The following PCDHA8 variants were observed in gnomAD, a reference collection of about 807,000 sequenced individuals.
The protein encoded by PCDHA8 is protocadherin alpha 8.
A neutral mutation model predicts 61.8 loss-of-function variants in PCDHA8; 53 were observed. The observed-to-expected ratio is 0.86, with a 90% CI of 0.69 to 1.08. The LOEUF (loss-of-function observed/expected upper bound fraction) is 1.08, where lower values mean the gene tolerates loss of function less well. Among genes scored for constraint, PCDHA8 ranks in the 50% least tolerant of loss-of-function variants. The pLI, the probability that PCDHA8 is intolerant of heterozygous loss-of-function variation, is 0.00. For synonymous variants in PCDHA8, 618 were observed against 556.6 expected, an observed-to-expected ratio of 1.11 and a Z score of -1.55; for missense variants, 1,293 against 1,245.0, an observed-to-expected ratio of 1.04 and a Z score of -0.58.
At chr5:140,940,557 T>C (rs1554213484) in intron 1 of PCDHA8, among the ~76,000 whole-genome samples, 1 of 152,204 alleles carries the variant, frequency 6.6e-6, no homozygotes. Context: ...CAAGTGATTC[T>C]CCTACCTTGG....
chr5:140,855,718 G>T (rs1468611504), intron 1 of PCDHA8, among the ~76,000 whole-genome samples: 1 of 149,568 alleles, frequency 6.7e-6, no homozygotes, highest in Non-Finnish European at 1.5e-5. Flanking sequence ...AACATTTATT[G>T]TTATTAACTA....
intron 1 of PCDHA8, chr5:140,857,484 G>T (rs1044921765): frequency 6.3e-7 from 1 of 1,598,534 alleles, no homozygotes; most frequent in Admixed American, 1.7e-5. Context: ...GTGTCTGCGT[G>T]GGACGCGGAC....
chr5:140,937,039 CT>C (rs34994034), intron 1 of PCDHA8, among the ~76,000 whole-genome samples: 142 of 140,130 alleles, frequency 1.0e-3, no homozygotes, highest in Middle Eastern at 3.8e-3. Flanking sequence ...TTCCATTTAT[CT>C]TTTTTTTTTT....
intron 2 of PCDHA8, among the ~76,000 whole-genome samples, chr5:140,981,956 T>C (rs2096959461): frequency 6.6e-6 from 1 of 152,184 alleles, no homozygotes; most frequent in Non-Finnish European, 1.5e-5. Flanking sequence ...GGGTCATCTA[T>C]GCATAAAAGA....
chr5:140,882,775 C>G, intron 1 of PCDHA8: 10 of 1,614,220 alleles, frequency 6.2e-6, no homozygotes, highest in Non-Finnish European at 8.5e-6. Flanking sequence ...CGGCATTGAC[C>G]TACCGACTGG....
intron 3 of PCDHA8, among the ~76,000 whole-genome samples, chr5:141,002,788 A>G (rs1013908430): frequency 6.6e-6 from 1 of 152,192 alleles, no homozygotes; most frequent in Admixed American, 6.5e-5. Context: ...TCTCCATTTT[A>G]TGGATGAGGA....
intron 1 of PCDHA8, chr5:140,929,377 CTGT>C (rs782747382): frequency 6.6e-7 from 1 of 1,514,350 alleles, no homozygotes; most frequent in Non-Finnish European, 8.8e-7. Flanking sequence ...TGGCTGCTAG[CTGT>C]GTTTTGAAAT....
chr5:140,947,194 G>A (rs2094102779), intron 1 of PCDHA8, among the ~76,000 whole-genome samples: 1 of 151,018 alleles, frequency 6.6e-6, no homozygotes, highest in Admixed American at 6.6e-5. Context: ...ATACTACACA[G>A]CCTTAAAAAA....
intron 1 of PCDHA8, among the ~76,000 whole-genome samples, chr5:140,956,920 T>C (rs2095320734): frequency 1.3e-5 from 2 of 152,120 alleles, no homozygotes; most frequent in Non-Finnish European, 2.9e-5. Flanking sequence ...ACTTTAATCT[T>C]GCTGGATATA....
intron 1 of PCDHA8, among the ~76,000 whole-genome samples, chr5:140,893,927 T>C (rs1251170255): frequency 1.3e-5 from 2 of 152,212 alleles, no homozygotes; most frequent in Non-Finnish European, 2.9e-5. Flanking sequence ...TTTCAGAATC[T>C]CTACCTGTTA....
intron 1 of PCDHA8, chr5:140,869,236 G>T (rs781873875): frequency 6.2e-7 from 1 of 1,613,674 alleles, no homozygotes; most frequent in South Asian, 1.1e-5. Context: ...CGGCACCTTC[G>T]TGGGCCGCAT....
chr5:140,870,509 C>T, intron 1 of PCDHA8: 2 of 1,614,230 alleles, frequency 1.2e-6, no homozygotes, highest in Non-Finnish European at 1.7e-6. Context: ...AACAACCCAC[C>T]AGGCTGCCAC....
At chr5:140,956,356 T>C (rs1283114496) in intron 1 of PCDHA8, among the ~76,000 whole-genome samples, 3 of 152,218 alleles carry the variant, frequency 2.0e-5, no homozygotes, top group Non-Finnish European at 4.4e-5. Flanking sequence ...ATTTTTAACA[T>C]GAAGGGATGT....
rs141028628 is a variant in PCDHA8 at position 140,891,378 on chromosome 5, T to A, written c.2394+47663T>A. Among the ~76,000 whole-genome samples the A allele has an allele frequency of 2.3e-4, 35 of 152,222 alleles. 1 individual carries two copies. The East Asian group carries it at 6.8e-3, about 29-fold the overall frequency. On this transcript the variant is annotated intron_variant, in intron 1 of 3. Coordinates refer to ENST00000531613, the MANE Select transcript of PCDHA8 (RefSeq NM_018911.3). ...CACCTGAGCAGTATACATTGCACCA[T>A]ATTTGCAATCTTTTATCCCTCGCCA...
At chr5:140,995,281 A>G (rs1159938577) in intron 3 of PCDHA8, among the ~76,000 whole-genome samples, 1 of 152,144 alleles carries the variant, frequency 6.6e-6, no homozygotes. Context: ...TGATACCAAA[A>G]CAGCCAGTCG....
rs566250084 is a variant in PCDHA8 at position 140,877,055 on chromosome 5, T to G, written c.2394+33340T>G. The G allele has an allele frequency of 2.5e-6, 4 of 1,612,792 alleles. No homozygotes were observed. In the East Asian group the frequency reaches 8.9e-5, roughly 36 times the overall value. On this transcript the variant is annotated intron_variant, in intron 1 of 3. Coordinates refer to ENST00000531613, the MANE Select transcript of PCDHA8 (RefSeq NM_018911.3). ...CTGCAGCCGCTAGACCACGAGGAGC[T>G]GGAGCTGCTGCAGTTCCAGGTGAGC...
At chr5:140,852,885 A>AT (rs2150523673) in intron 1 of PCDHA8, 18,210 of 741,434 alleles carry the variant, frequency 0.025, 18 homozygotes, top group Non-Finnish European at 0.027. Context: ...CATAAAACGT[A>AT]TTTTTTTTTT....
intron 1 of PCDHA8, among the ~76,000 whole-genome samples, chr5:140,937,039 CTTTT>C (rs34994034): frequency 1.4e-5 from 2 of 140,156 alleles, no homozygotes; most frequent in African/African-American, 2.6e-5. Flanking sequence ...TTCCATTTAT[CTTTT>C]TTTTTTTTTT....
chr5:140,902,756 C>A (rs1434955469), intron 1 of PCDHA8, among the ~76,000 whole-genome samples: 1 of 150,258 alleles, frequency 6.7e-6, no homozygotes, highest in Admixed American at 6.6e-5. Flanking sequence ...TTATATCATT[C>A]TTATGTCTTT....
Sources: gnomAD v4.1 joint callset for allele counts (sites outside exome capture counted in the v4.1 genomes callset) on GRCh38, gnomAD v4.1.1 for gene constraint, MANE v1.5 for transcripts, NCBI Gene and HGNC (gene_info 2026-07-23, HGNC 2026-07-21) for gene names.